The following KCNQ1 variants were observed in gnomAD, a reference collection of about 807,000 sequenced individuals.
KCNQ1 encodes the protein potassium voltage-gated channel subfamily Q member 1, also known as potassium voltage-gated channel subfamily KQT member 1.
A neutral mutation model predicts 72.4 loss-of-function variants in KCNQ1; 49 were observed. The ratio of observed to expected loss-of-function variants is 0.68; its 90% CI spans 0.54 to 0.86. KCNQ1 has a LOEUF of 0.86. Ranked by LOEUF, KCNQ1 falls within the 40% of genes least tolerant of loss-of-function variation. The pLI, the probability that KCNQ1 is intolerant of heterozygous loss-of-function variation, is 0.00. For missense variants in KCNQ1, 790 were observed against 945.1 expected (o/e 0.84, Z 2.15); for synonymous variants, 450 against 412.6 (o/e 1.09, Z -1.10).
At chr11:2,702,315 G>T (rs752095743) in intron 11 of KCNQ1, among the ~76,000 whole-genome samples, 1 of 152,212 alleles carries the variant, frequency 6.6e-6, no homozygotes, top group Non-Finnish European at 1.5e-5. Flanking sequence ...AGGTAGCCTG[G>T]TGGACTCCTT....
Position 2,561,134 on chromosome 11 carries a change from T to C in KCNQ1, c.478-9494T>C, listed in dbSNP as rs528139931. Reference sequence around the variant, plus strand: ...GTAGAATGGTGTGAACCCCAGGGGGTGGAGCCTGCAGTGAGCCGAGATTGC... The same window carrying C: ...GTAGAATGGTGTGAACCCCAGGGGGCGGAGCCTGCAGTGAGCCGAGATTGC... On this transcript the variant is annotated intron_variant, in intron 2 of 15. Transcript: ENST00000155840. Among the ~76,000 whole-genome samples the C allele has an allele frequency of 1.5e-4, 20 of 137,024 alleles. No individual in the cohort carries two copies. The East Asian group carries it at 3.6e-3, about 25-fold the overall frequency. 89.9% of individuals were successfully genotyped at this position (137,024 alleles called of 152,430 possible). A position where few individuals can be genotyped will look rare whatever the true frequency, so the allele number is the denominator to read the frequency against.
In KCNQ1 at chr11:2,486,017, T is replaced by C. The variant is rs1381453360; in HGVS notation, c.386+40533T>C. ...TACTATGAATATGGGTGTACAAATATCTTTTCAACGCCCTGCTTTCAATTC... is the reference window on the plus strand; with the variant it reads ...TACTATGAATATGGGTGTACAAATACCTTTTCAACGCCCTGCTTTCAATTC... On this transcript the variant is annotated intron_variant, in intron 1 of 15. Transcript: ENST00000155840. The surrounding 1 kb of genome is among the most constrained non-coding windows in gnomAD (Gnocchi z 5.0). 2.0e-5 allele frequency among the ~76,000 whole-genome samples: 3 copies of C among 152,226 alleles called. No homozygotes were observed. Among genetic ancestry groups the C allele is most frequent in the South Asian group, 2.1e-4 (1 of 4,838 alleles).
At chr11:2,474,723 G>T (rs1232227500) in intron 1 of KCNQ1, among the ~76,000 whole-genome samples, 1 of 152,328 alleles carries the variant, frequency 6.6e-6, no homozygotes, top group Non-Finnish European at 1.5e-5. Context: ...CCCAGAGCTG[G>T]GGTGGCCACA....
In KCNQ1 at chr11:2,509,008, C is replaced by A. The variant is rs1156784049; in HGVS notation, c.387-18920C>A. ...CCTGGGCAAGGGTGTGCAGAGTCTG[C>A]ATGGGATTTGACTGAGCAATCTGGA... On this transcript the variant is annotated intron_variant, in intron 1 of 15. Transcript: ENST00000155840. This position sits in a 1 kb window ranked among gnomAD's most constrained non-coding sequence, Gnocchi z 6.3. Among the ~76,000 whole-genome samples, 1 of 152,182 alleles carries A rather than the reference C, an allele frequency of 6.6e-6. No individual in the cohort carries two copies. Among genetic ancestry groups the A allele is most frequent in the Non-Finnish European group, 1.5e-5 (1 of 68,032 alleles).
rs1850217965 is a variant in KCNQ1, at chr11:2,673,195, G to C, written c.1514+11114G>C. 1 of 398,616 alleles carries C rather than the reference G, an allele frequency of 2.5e-6. No homozygotes were observed. The highest frequency in any genetic ancestry group is 4.4e-6 in the Non-Finnish European group (1 of 226,138). 24.7% of individuals were successfully genotyped at this position (398,616 alleles called of 1,614,324 possible). ...ATGGGCCCTGGAGCCAAGGCCAAAAGCCGAACTGTGACTAGGCAAGCTGAG... is the reference window on the plus strand; with the variant it reads ...ATGGGCCCTGGAGCCAAGGCCAAAACCCGAACTGTGACTAGGCAAGCTGAG... On this transcript the variant is annotated intron_variant, in intron 11 of 15. Transcript: ENST00000155840. This position sits in a 1 kb window ranked among gnomAD's most constrained non-coding sequence, Gnocchi z 4.5.
intron 6 of KCNQ1, 100 bp downstream of exon 6, chr11:2,573,086 G>C: frequency 7.0e-7 from 1 of 1,424,424 alleles, no homozygotes; most frequent in Non-Finnish European, 9.5e-7. Context: ...GGCCTTGGCA[G>C]GGGCTTCTCA....
At position 2,661,696 on chromosome 11, in the gene KCNQ1, C is replaced by T. The variant is rs1849958984; in HGVS notation, c.1394-265C>T. The T allele has an allele frequency of 1.7e-6, 1 of 604,748 alleles. No individual in the cohort carries two copies. The highest frequency in any genetic ancestry group is 3.0e-6 in the Non-Finnish European group (1 of 338,948). 37.5% of individuals were successfully genotyped at this position (604,748 alleles called of 1,614,324 possible). On this transcript the variant is annotated intron_variant, in intron 10 of 15. Coordinates refer to ENST00000155840, the MANE Select transcript of KCNQ1 (RefSeq NM_000218.3). The surrounding 1 kb of genome is among the most constrained non-coding windows in gnomAD (Gnocchi z 5.9). ...CTGAGGTGGGGAGAGTCTTGGACACCTGAGCACAGCCCCAGGCACAGTTAC... is the reference window on the plus strand; with the variant it reads ...CTGAGGTGGGGAGAGTCTTGGACACTTGAGCACAGCCCCAGGCACAGTTAC...
chr11:2,461,784 G>T, intron 1 of KCNQ1: 2 of 1,285,326 alleles, frequency 1.6e-6, no homozygotes, highest in Non-Finnish European at 2.1e-6. Flanking sequence ...CTGAATTGTG[G>T]TCAGTTATGG....
chr11:2,665,054 G>C (rs896170554), intron 11 of KCNQ1: 5 of 398,582 alleles, frequency 1.3e-5, no homozygotes, highest in African/African-American at 1.0e-4. Context: ...ATGCAAGCTA[G>C]GGAGTCATGA....
intron 6 of KCNQ1, among the ~76,000 whole-genome samples, chr11:2,573,396 C>T (rs1026314002): frequency 6.6e-6 from 1 of 152,146 alleles, no homozygotes; most frequent in African/African-American, 2.4e-5. Flanking sequence ...GCATACCTCG[C>T]GTGTCTCTGA....
Position 2,777,969 on chromosome 11 carries a change from C to T in KCNQ1, c.1733-7C>T, listed in dbSNP as rs367568223. On this transcript the variant is annotated splice_polypyrimidine_tract_variant and splice_region_variant and intron_variant, in intron 14 of 15. Coordinates refer to ENST00000155840, the MANE Select transcript of KCNQ1 (RefSeq NM_000218.3). ...TGGCCCTGATTTGGGTGTTTTATCC[C>T]CCATAGAAAAGAGCAAGGATCGCGG... The T allele has an allele frequency of 6.2e-7, 1 of 1,613,682 alleles. No individual in the cohort carries two copies. The highest frequency in any genetic ancestry group is 1.1e-5 in the South Asian group (1 of 91,094).
chr11:2,784,248 C>T lies in KCNQ1; in HGVS notation c.1794+6211C>T, dbSNP rs1467959959. ...TTATGGATATCCAATTGCCCCAGAA[C>T]ATTTGTTGAAAATACCCCATTTCCT... On this transcript the variant is annotated intron_variant, in intron 15 of 15. Transcript: ENST00000155840. The surrounding 1 kb of genome is among the most constrained non-coding windows in gnomAD (Gnocchi z 4.7). 6.6e-6 allele frequency among the ~76,000 whole-genome samples: 1 copy of T among 151,910 alleles called. No individual in the cohort carries two copies. The highest frequency in any genetic ancestry group is 6.6e-5 in the Admixed American group (1 of 15,264).
intron 10 of KCNQ1, chr11:2,635,756 T>G (rs1185389083): frequency 6.6e-6 from 1 of 152,108 alleles, no homozygotes; most frequent in East Asian, 1.9e-4. Flanking sequence ...GGCATTGAAT[T>G]TATAAATTAC....
rs1363593026 is a variant in KCNQ1, at chr11:2,549,313, G to A, written c.477+21295G>A. On this transcript the variant is annotated intron_variant, in intron 2 of 15. Transcript: ENST00000155840. The surrounding 1 kb of genome is among the most constrained non-coding windows in gnomAD (Gnocchi z 6.2). ...AAGGAAGACATGTGGGCCAGGGTGC[G>A]GGGTGCGGGACAAACCTGGGTCCAG... Among the ~76,000 whole-genome samples, 2 of 151,992 alleles carry A rather than the reference G, an allele frequency of 1.3e-5. No individual in the cohort carries two copies. The highest frequency in any genetic ancestry group is 2.1e-4 in the South Asian group (1 of 4,828).
chr11:2,807,230 C>T (rs759897783), intron 15 of KCNQ1, among the ~76,000 whole-genome samples: 1 of 152,186 alleles, frequency 6.6e-6, no homozygotes, highest in African/African-American at 2.4e-5. Context: ...CCTGACAAGC[C>T]GCAGCGACGC....
Position 2,591,050 on chromosome 11 carries a change from G to A in KCNQ1, c.1393+2196G>A, listed in dbSNP as rs139039870. Among the ~76,000 whole-genome samples the A allele has an allele frequency of 2.0e-5, 3 of 152,294 alleles. No homozygotes were observed. In the East Asian group the frequency reaches 5.8e-4, roughly 29 times the overall value. ...ATTTCTGCATCCATCTCTCCCTCTC[G>A]GACCTCTTCCCAGTGCCTGGGACTA... is the stretch of plus-strand genomic sequence containing the variant. On this transcript the variant is annotated intron_variant, in intron 10 of 15. Coordinates refer to ENST00000155840, the MANE Select transcript of KCNQ1 (RefSeq NM_000218.3).
chr11:2,511,874 C>T lies in KCNQ1; in HGVS notation c.387-16054C>T, dbSNP rs533697893. ...TCTGCCCTGTGGAGCCCGGCCTGGC[C>T]TGCAGCCCCCTGTGCAGGGAAAAAC... On this transcript the variant is annotated intron_variant, in intron 1 of 15. Coordinates refer to ENST00000155840, the MANE Select transcript of KCNQ1 (RefSeq NM_000218.3). Among the ~76,000 whole-genome samples, 19 of 152,336 alleles carry T rather than the reference C, an allele frequency of 1.2e-4. No homozygotes were observed. The South Asian group carries it at 3.7e-3, about 30-fold the overall frequency.
chr11:2,476,101 T>C (rs1846565093), intron 1 of KCNQ1, among the ~76,000 whole-genome samples: 1 of 152,214 alleles, frequency 6.6e-6, no homozygotes, highest in Non-Finnish European at 1.5e-5. Context: ...ATAATCTGAA[T>C]TATTGATATA....
rs773255790 is a variant in KCNQ1, at chr11:2,515,134, C to A, written c.387-12794C>A. On this transcript the variant is annotated intron_variant, in intron 1 of 15. Coordinates refer to ENST00000155840, the MANE Select transcript of KCNQ1 (RefSeq NM_000218.3). The surrounding 1 kb of genome is among the most constrained non-coding windows in gnomAD (Gnocchi z 4.7). ...GTGCGCCCATCAGCCGGATATTGGA[C>A]GTTATACTCAATAGGTAATTTTTCA... Among the ~76,000 whole-genome samples, 27 of 152,102 alleles carry A rather than the reference C, an allele frequency of 1.8e-4. No individual in the cohort carries two copies. Among genetic ancestry groups the A allele is most frequent in the Non-Finnish European group, 3.1e-4 (21 of 68,022 alleles).
Sources: gnomAD v4.1 joint callset for allele counts (sites outside exome capture counted in the v4.1 genomes callset) on GRCh38, gnomAD v4.1.1 for gene constraint, Gnocchi (gnomAD v3.1) non-coding constraint, MANE v1.5 for transcripts, NCBI Gene and HGNC (gene_info 2026-07-23, HGNC 2026-07-21) for gene names.